Variants in NUFIP2 observed in about 807,000 individuals in gnomAD.
NUFIP2 encodes FMR1-interacting protein NUFIP2.
A neutral mutation model predicts 56.9 loss-of-function variants in NUFIP2; 6 were observed. The observed-to-expected ratio is 0.11, with a 90% confidence interval of 0.06 to 0.21. NUFIP2 has a LOEUF of 0.21. Among genes scored for constraint, NUFIP2 ranks in the 10% least tolerant of loss-of-function variants. The probability of loss-of-function intolerance (pLI) is 1.00; values close to 1 mark genes in which losing one functional copy is unlikely to be tolerated. For missense variants in NUFIP2, 828 were observed against 826.8 expected (o/e 1.00, Z -0.02); for synonymous variants, 321 against 298.2 (o/e 1.08, Z -0.79).
intron 2 of NUFIP2, among the ~76,000 whole-genome samples, chr17:29,276,925 T>G (rs1248285889): frequency 6.6e-6 from 1 of 152,216 alleles, no homozygotes; most frequent in Non-Finnish European, 1.5e-5. Flanking sequence ...CATTTAATTA[T>G]TAAATCCCTC....
rs71135888 is a variant in NUFIP2, at chr17:29,276,029, A to AATATATATATATATATATATAT, written c.2003-8500_2003-8499insATATATATATATATATATATAT. 7.0e-3 allele frequency among the ~76,000 whole-genome samples: 961 copies of AATATATATATATATATATATAT among 137,942 alleles called. 18 individuals are homozygous for AATATATATATATATATATATAT. Among genetic ancestry groups the AATATATATATATATATATATAT allele is most frequent in the Non-Finnish European group, 0.01 (656 of 64,058 alleles). The allele number at this position is 137,942 out of a possible 152,430, so 90.5% of individuals were successfully genotyped here. ...GGTGACAGAGTAAGACTCCGTCTCA[A>AATATATATATATATATATATAT]ATATATATATATATATATATCTGAA... is the stretch of plus-strand genomic sequence containing the variant. On this transcript the variant is annotated intron_variant, in intron 2 of 3. Transcript: ENST00000225388.
intron 2 of NUFIP2, among the ~76,000 whole-genome samples, chr17:29,276,029 A>AATAT (rs71135888): frequency 0.042 from 5,758 of 137,976 alleles, 262 homozygotes; most frequent in African/African-American, 0.054. Flanking sequence ...CTCCGTCTCA[A>AATAT]ATATATATAT....
intron 3 of NUFIP2, among the ~76,000 whole-genome samples, chr17:29,266,258 T>C (rs1221972786): frequency 6.6e-6 from 1 of 152,118 alleles, no homozygotes; most frequent in African/African-American, 2.4e-5. Flanking sequence ...TGAGCCACCG[T>C]GCCCAGCCTG....
At chr17:29,287,757 A>T in intron 1 of NUFIP2, 41 bp from the exon 2 acceptor site, 1 of 1,514,594 alleles carries the variant, frequency 6.6e-7, no homozygotes, top group Non-Finnish European at 8.8e-7. Context: ...AAAAATCACA[A>T]CATGTAAATT....
intron 2 of NUFIP2, among the ~76,000 whole-genome samples, chr17:29,284,719 A>AAG (rs1567680641): frequency 1.3e-5 from 2 of 150,748 alleles, no homozygotes; most frequent in South Asian, 2.1e-4. Flanking sequence ...AAAAAAAAAA[A>AAG]AAAAAAAAGA....
At chr17:29,289,053 T>C (rs546170352) in intron 1 of NUFIP2, among the ~76,000 whole-genome samples, 16 of 152,020 alleles carry the variant, frequency 1.1e-4, no homozygotes, top group Non-Finnish European at 1.6e-4. Flanking sequence ...GGGAGGAGGA[T>C]AGCTTGAACC....
intron 1 of NUFIP2, among the ~76,000 whole-genome samples, chr17:29,293,270 G>A (rs1183014537): frequency 6.6e-6 from 1 of 151,276 alleles, no homozygotes; most frequent in Non-Finnish European, 1.5e-5. Flanking sequence ...CAAGGCCACA[G>A]GTGGGCTTGG....
intron 3 of NUFIP2, among the ~76,000 whole-genome samples, chr17:29,267,097 T>A (rs992321231): frequency 1.3e-5 from 2 of 151,866 alleles, no homozygotes; most frequent in Admixed American, 1.3e-4. Flanking sequence ...AGAGACAGGG[T>A]CTCACCATGT....
chr17:29,290,428 G>A (rs1034540184), intron 1 of NUFIP2, among the ~76,000 whole-genome samples: 12 of 151,748 alleles, frequency 7.9e-5, no homozygotes, highest in Non-Finnish European at 1.0e-4. Context: ...TCCCAGGCAG[G>A]TGGATCACTT....
In NUFIP2 at chr17:29,294,098, G is replaced by T; in HGVS notation, c.-39C>A. Reference sequence around the variant, plus strand: ...GACTCCCTGGCTGAGGCTGCGGGCTGCTGCACCGTCAGGATCTGAGACTGC... The same window carrying T: ...GACTCCCTGGCTGAGGCTGCGGGCTTCTGCACCGTCAGGATCTGAGACTGC... On this transcript the variant is annotated 5_prime_UTR_variant, in exon 1 of 4. Coordinates refer to ENST00000225388, the MANE Select transcript of NUFIP2 (RefSeq NM_020772.3). 6.4e-7 allele frequency: 1 copy of T among 1,561,732 alleles called. No homozygotes were observed. The highest frequency in any genetic ancestry group is 1.2e-5 in the South Asian group (1 of 82,916).
chr17:29,270,424 G>C (rs2069064930), intron 2 of NUFIP2, among the ~76,000 whole-genome samples: 1 of 151,566 alleles, frequency 6.6e-6, no homozygotes, highest in Non-Finnish European at 1.5e-5. Context: ...CAAACAACGA[G>C]GAACAGTTAA....
Position 29,292,955 on chromosome 17 carries a change from T to A in NUFIP2, c.277+828A>T, listed in dbSNP as rs944492528. ...CAGGGGGCGAGGCTGCGGCCGGTGG[T>A]GATCCCGGGTCACCCGGCTCCGCCG... On this transcript the variant is annotated intron_variant, in intron 1 of 3. Coordinates refer to ENST00000225388, the MANE Select transcript of NUFIP2 (RefSeq NM_020772.3). Among the ~76,000 whole-genome samples the A allele has an allele frequency of 2.3e-5, 3 of 133,304 alleles. No individual in the cohort carries two copies. The Admixed American group carries it at 2.3e-4, about 10-fold the overall frequency. 87.5% of individuals were successfully genotyped at this position (133,304 alleles called of 152,430 possible).
Position 29,256,162 on chromosome 17 carries a change from CTTTT to C in NUFIP2, c.*8373_*8376del, listed in dbSNP as rs889127290. On this transcript the variant is annotated 3_prime_UTR_variant, in exon 4 of 4. Coordinates refer to ENST00000225388, the MANE Select transcript of NUFIP2 (RefSeq NM_020772.3). The stretch of plus-strand genomic sequence containing the variant: ...TGACTGGGCAAAACAAACATTGAAA[CTTTT>C]TTTTGAGCGGGGGGAACATCCTTTA... The C allele has an allele frequency of 3.9e-5, 6 of 151,992 alleles. No individual in the cohort carries two copies. Among genetic ancestry groups the C allele is most frequent in the African/African-American group, 1.4e-4 (6 of 41,386 alleles). The allele number at this position is 151,992 out of a possible 1,614,324, so 9.4% of individuals were successfully genotyped here.
At chr17:29,271,650 T>A (rs1598430989) in intron 2 of NUFIP2, among the ~76,000 whole-genome samples, 1 of 152,308 alleles carries the variant, frequency 6.6e-6, no homozygotes, top group East Asian at 1.9e-4. Flanking sequence ...CTTTGACTAC[T>A]AGCAACTTCA....
intron 2 of NUFIP2, among the ~76,000 whole-genome samples, chr17:29,273,635 C>T (rs528309625): frequency 1.3e-5 from 2 of 152,184 alleles, no homozygotes; most frequent in African/African-American, 2.4e-5. Flanking sequence ...CCTAATAGAA[C>T]GTAAGTAAAA....
Position 29,261,555 on chromosome 17 carries a change from T to C in NUFIP2, c.*2984A>G, listed in dbSNP as rs2069003053. 1.3e-5 allele frequency: 2 copies of C among 152,346 alleles called. No homozygotes were observed. Among genetic ancestry groups the C allele is most frequent in the Non-Finnish European group, 2.9e-5 (2 of 67,996 alleles). The allele number at this position is 152,346 out of a possible 1,614,324, so 9.4% of individuals were successfully genotyped here. ...TTCTTTATACCAAACAATAACACGTTATTTAAATGTGCTAAATTAATCACA... is the reference window on the plus strand; with the variant it reads ...TTCTTTATACCAAACAATAACACGTCATTTAAATGTGCTAAATTAATCACA... On this transcript the variant is annotated 3_prime_UTR_variant, in exon 4 of 4. Coordinates refer to ENST00000225388, the MANE Select transcript of NUFIP2 (RefSeq NM_020772.3).
rs780390783 is a variant in NUFIP2, at chr17:29,286,867, G to A, written c.1127C>T (p.Ser376Leu). ...LNKTIQNSSVSPTSSSSSSSS... is the reference protein window; with the variant it reads ...LNKTIQNSSVLPTSSSSSSSS... ...TGAAGATGATGAAGATGAAGTTGGT[G>A]ACACAGAAGAGTTCTGTATAGTTTT... The change falls in exon 2 of 4, where the codon TCA becomes TTA. Residue 376 changes from serine to leucine, a missense_variant. This residue lies in a region of NUFIP2 where 404 missense variants were observed against 380.3 expected (regional missense o/e 1.06). Coordinates refer to ENST00000225388, the MANE Select transcript of NUFIP2 (RefSeq NM_020772.3). 7 of 1,614,020 alleles carry A rather than the reference G, an allele frequency of 4.3e-6. No individual in the cohort carries two copies. Among genetic ancestry groups the A allele is most frequent in the Non-Finnish European group, 5.9e-6 (7 of 1,180,032 alleles).
chr17:29,277,213 C>T (rs1336796855), intron 2 of NUFIP2, among the ~76,000 whole-genome samples: 2 of 151,948 alleles, frequency 1.3e-5, no homozygotes, highest in Non-Finnish European at 2.9e-5. Flanking sequence ...TTAGTAGAGA[C>T]CGGGTTTCAC....
intron 3 of NUFIP2, 106 bp downstream of exon 3, chr17:29,267,392 A>G (rs752266407): frequency 2.4e-5 from 16 of 660,264 alleles, no homozygotes; most frequent in Non-Finnish European, 4.2e-5. Context: ...ATAACTCAAA[A>G]TACAAAGTCT....
Sources: gnomAD v4.1 joint callset for allele counts (sites outside exome capture counted in the v4.1 genomes callset) on GRCh38, gnomAD v4.1.1 for gene constraint, gnomAD v4.1.1 regional missense constraint, MANE v1.5 for transcripts, NCBI Gene and HGNC (gene_info 2026-07-23, HGNC 2026-07-21) for gene names.